The following TINAG variants were observed in gnomAD, a reference collection of about 807,000 sequenced individuals.
The protein encoded by TINAG is tubulointerstitial nephritis antigen.
In TINAG, 83 loss-of-function variants were observed where a neutral mutation model predicts 72.7. That is an observed-to-expected ratio of 1.14 (90% CI 0.96 to 1.37). The LOEUF (loss-of-function observed/expected upper bound fraction) is 1.37. Among genes scored for constraint, TINAG ranks in the 40% most tolerant of loss-of-function variants. The pLI is 0.00. For missense variants in TINAG, 685 were observed against 576.6 expected, an observed-to-expected ratio of 1.19 and a Z score of -1.93; for synonymous variants, 234 against 189.9, an observed-to-expected ratio of 1.23 and a Z score of -1.91.
At chr6:54,358,421 A>T (rs1343320735) in intron 9 of TINAG, among the ~76,000 whole-genome samples, 5 of 151,598 alleles carry the variant, frequency 3.3e-5, no homozygotes, top group Non-Finnish European at 7.4e-5. Context: ...TGATCCGTTG[A>T]TCAGTAATGC....
At chr6:54,389,485 G>A (rs1294983315) in intron 10 of TINAG, among the ~76,000 whole-genome samples, 4 of 152,140 alleles carry the variant, frequency 2.6e-5, no homozygotes, top group Admixed American at 1.3e-4. Flanking sequence ...TCACATAGTA[G>A]ACAACTCTAT....
intron 5 of TINAG, among the ~76,000 whole-genome samples, chr6:54,344,688 A>G (rs186160044): frequency 3.7e-4 from 56 of 152,270 alleles, no homozygotes; most frequent in Middle Eastern, 6.8e-3. Context: ...TGGAGGATAT[A>G]TTTTGGTGTT....
chr6:54,379,646 G>T (rs1246718709), intron 9 of TINAG, among the ~76,000 whole-genome samples: 2 of 152,010 alleles, frequency 1.3e-5, no homozygotes, highest in Non-Finnish European at 2.9e-5. Flanking sequence ...TGCCATTTAA[G>T]GTAGAGTGGT....
At chr6:54,370,108 G>A (rs1396958219) in intron 9 of TINAG, 1 of 151,974 alleles carries the variant, frequency 6.6e-6, no homozygotes, top group Non-Finnish European at 1.5e-5. Context: ...CTAAAAAAAT[G>A]CCCAGTGAAG....
At chr6:54,313,739 T>C (rs1019388387) in intron 1 of TINAG, among the ~76,000 whole-genome samples, 1 of 152,174 alleles carries the variant, frequency 6.6e-6, no homozygotes, top group African/African-American at 2.4e-5. Context: ...TCAAATTTTG[T>C]ATTTGTTAAA....
chr6:54,388,423 G>A (rs1764159985), intron 10 of TINAG, among the ~76,000 whole-genome samples: 1 of 152,106 alleles, frequency 6.6e-6, no homozygotes, highest in Admixed American at 6.6e-5. Context: ...AAGAAATGCT[G>A]ATAAAAATTG....
chr6:54,342,624 T>C (rs1785025045), intron 4 of TINAG, among the ~76,000 whole-genome samples: 1 of 152,146 alleles, frequency 6.6e-6, no homozygotes, highest in Admixed American at 6.6e-5. Flanking sequence ...CGCCTCAGCC[T>C]CCCAAAGTGC....
intron 7 of TINAG, among the ~76,000 whole-genome samples, chr6:54,350,858 G>A (rs368338497): frequency 9.9e-5 from 15 of 151,586 alleles, no homozygotes; most frequent in Non-Finnish European, 2.2e-4. Context: ...TATAGGTGCA[G>A]GGTCAATATT....
intron 1 of TINAG, among the ~76,000 whole-genome samples, chr6:54,309,487 C>T (rs1784189270): frequency 6.6e-6 from 1 of 152,060 alleles, no homozygotes; most frequent in African/African-American, 2.4e-5. Flanking sequence ...TTTTTCCAGT[C>T]TGGGACTTTT....
In TINAG at chr6:54,326,398, A is replaced by G. The variant is rs552170510; in HGVS notation, c.510-404A>G. ...TCATGCATACTTTTTTACCTTGTCA[A>G]TTTCTTTTCAAATCTAAATTTTAAA... is the stretch of plus-strand genomic sequence containing the variant. On this transcript the variant is annotated intron_variant, in intron 3 of 10. Transcript: ENST00000259782. 7.9e-5 allele frequency among the ~76,000 whole-genome samples: 12 copies of G among 152,002 alleles called. No individual in the cohort carries two copies. In the South Asian group the frequency reaches 2.1e-3, roughly 26 times the overall value.
At position 54,343,331 on chromosome 6, in the gene TINAG, T is replaced by C; in HGVS notation, c.730T>C (p.Trp244Arg). ...PLDQKNCAASWAFSTASVAAD... is the reference protein window; with the variant it reads ...PLDQKNCAASRAFSTASVAAD... ...GGATCAAAAAAATTGTGCTGCATCCTGGGCATTTTCCACTGCAAGTAATAA... is the reference window on the plus strand; with the variant it reads ...GGATCAAAAAAATTGTGCTGCATCCCGGGCATTTTCCACTGCAAGTAATAA... The change falls in exon 5 of 11, where the codon TGG (tryptophan) becomes CGG (arginine). Residue 244 changes from tryptophan to arginine, a missense_variant. Transcript: ENST00000259782. 6.4e-7 allele frequency: 1 copy of C among 1,554,304 alleles called. No individual in the cohort carries two copies.
At chr6:54,326,980 A>G (rs1364283134) in intron 4 of TINAG, 64 bp downstream of exon 4, 1 of 1,600,670 alleles carries the variant, frequency 6.2e-7, no homozygotes, top group Admixed American at 1.7e-5. Context: ...TGTGTGCATT[A>G]AAAGCAATTA....
At chr6:54,355,713 A>ATGTGTG (rs1763014877) in intron 9 of TINAG, among the ~76,000 whole-genome samples, 1 of 99,120 alleles carries the variant, frequency 1.0e-5, no homozygotes, top group Non-Finnish European at 2.3e-5. Context: ...AAAAAATGTA[A>ATGTGTG]CGTGTGTGTG....
chr6:54,333,092 A>G (rs1012673400), intron 4 of TINAG, among the ~76,000 whole-genome samples: 3 of 152,202 alleles, frequency 2.0e-5, no homozygotes, highest in African/African-American at 7.2e-5. Flanking sequence ...TAGAAATACC[A>G]TTTGATTCAG....
At chr6:54,388,815 A>T (rs1195832064) in intron 10 of TINAG, among the ~76,000 whole-genome samples, 8 of 148,282 alleles carry the variant, frequency 5.4e-5, no homozygotes, top group Admixed American at 6.8e-5. Flanking sequence ...AAGAGGAATT[A>T]AAAAAAAAAC....
At chr6:54,375,120 C>G (rs1763741934) in intron 9 of TINAG, among the ~76,000 whole-genome samples, 1 of 152,080 alleles carries the variant, frequency 6.6e-6, no homozygotes, top group South Asian at 2.1e-4. Flanking sequence ...TCTTTTTCTT[C>G]TAACTCCAGA....
chr6:54,360,216 C>T (rs1763181210), intron 9 of TINAG, among the ~76,000 whole-genome samples: 1 of 149,328 alleles, frequency 6.7e-6, no homozygotes. Flanking sequence ...CATATATTTG[C>T]TCCTAGTAGC....
At chr6:54,331,986 C>T (rs191320063) in intron 4 of TINAG, among the ~76,000 whole-genome samples, 2 of 152,240 alleles carry the variant, frequency 1.3e-5, no homozygotes, top group Admixed American at 1.3e-4. Flanking sequence ...AAAAACATTC[C>T]ATGCTCATAT....
At chr6:54,371,337 A>G (rs796827620) in intron 9 of TINAG, among the ~76,000 whole-genome samples, 2 of 152,004 alleles carry the variant, frequency 1.3e-5, no homozygotes, top group Admixed American at 6.6e-5. Context: ...TTCCACTGGG[A>G]TAATAAGTTT....
Sources: gnomAD v4.1 joint callset for allele counts (sites outside exome capture counted in the v4.1 genomes callset) on GRCh38, gnomAD v4.1.1 for gene constraint, MANE v1.5 for transcripts, NCBI Gene and HGNC (gene_info 2026-07-23, HGNC 2026-07-21) for gene names.